Variants in CFAP47 observed in about 807,000 individuals in gnomAD.
CFAP47 encodes cilia and flagella associated protein 47.
CFAP47 carries 29 observed loss-of-function variants against 148.1 expected under a neutral mutation model. The ratio of observed to expected loss-of-function variants is 0.20; its 90% CI spans 0.15 to 0.27. The LOEUF (loss-of-function observed/expected upper bound fraction) is 0.27, where lower values mean the gene tolerates loss of function less well. Ranked by LOEUF, CFAP47 falls within the 10% of genes least tolerant of loss-of-function variation. The pLI is 1.00. For synonymous variants in CFAP47, 664 were observed against 577.3 expected (o/e 1.15, Z -2.15); for missense variants, 1,872 against 1,697.5 (o/e 1.10, Z -1.81).
At chrX:36,337,697 T>C (rs1556015063) in intron 57 of CFAP47, among the ~76,000 whole-genome samples, 1 of 110,470 alleles carries the variant, frequency 9.1e-6, no homozygotes, top group African/African-American at 3.3e-5. Flanking sequence ...ATTAATAGAT[T>C]AGCTTAATTT....
intron 1 of CFAP47, among the ~76,000 whole-genome samples, chrX:35,923,923 A>ATGTG (rs1491311495): frequency 8.9e-5 from 6 of 67,491 alleles, no homozygotes; most frequent in Non-Finnish European, 1.3e-4. Context: ...ATATATGTAC[A>ATGTG]TATATATGTG....
chrX:35,948,262 A>G (rs1473545203), intron 3 of CFAP47, 52 bp from the exon 4 acceptor site: 32 of 1,090,616 alleles, frequency 2.9e-5, no homozygotes, highest in Middle Eastern at 5.0e-4. Context: ...GAGAGTGTAC[A>G]TGCAACATTG....
At chrX:35,932,532 G>A (rs1729976220) in intron 2 of CFAP47, among the ~76,000 whole-genome samples, 1 of 110,611 alleles carries the variant, frequency 9.0e-6, no homozygotes, top group Non-Finnish European at 1.9e-5. Context: ...GATTACAGGT[G>A]TGAGCCACCA....
rs1937541624 is a variant in CFAP47, at chrX:36,054,882, C to T, written c.4217+7819C>T. The stretch of plus-strand genomic sequence containing the variant: ...CCGCCTCCCGGGTTCACGCCATTCT[C>T]CTGCCTCAGCTTCCCGAGTACCTGG... On this transcript the variant is annotated intron_variant, in intron 26 of 63. Coordinates refer to ENST00000378653, the MANE Select transcript of CFAP47 (RefSeq NM_001304548.2). 4.5e-5 allele frequency among the ~76,000 whole-genome samples: 5 copies of T among 110,060 alleles called. No homozygotes were observed. The South Asian group carries it at 2.0e-3, about 43-fold the overall frequency.
intron 38 of CFAP47, among the ~76,000 whole-genome samples, chrX:36,159,994 T>G (rs1939410580): frequency 8.9e-6 from 1 of 112,243 alleles, no homozygotes; most frequent in Non-Finnish European, 1.9e-5. Flanking sequence ...ATTGACTTTT[T>G]GTAGCCATTA....
chrX:36,168,735 T>A (rs978487650), intron 39 of CFAP47, among the ~76,000 whole-genome samples: 2 of 112,083 alleles, frequency 1.8e-5, no homozygotes, highest in African/African-American at 3.2e-5. Flanking sequence ...CCCTCCTGCT[T>A]ATTTTAAATG....
At chrX:36,267,924 G>A (rs6632548) in intron 49 of CFAP47, among the ~76,000 whole-genome samples, 15,254 of 112,128 alleles carry the variant, frequency 0.14, 788 homozygotes, top group East Asian at 0.26. Context: ...GCTTTCCCAG[G>A]TAGCCTATGC....
chrX:35,967,569 A>G, intron 9 of CFAP47, 50 bp from the exon 10 acceptor site: 1 of 940,234 alleles, frequency 1.1e-6, no homozygotes, highest in East Asian at 3.3e-5. Context: ...TTGTTTTTAA[A>G]GTTGAAATTA....
intron 46 of CFAP47, among the ~76,000 whole-genome samples, chrX:36,231,033 G>A (rs1315040800): frequency 1.0e-4 from 11 of 105,595 alleles, no homozygotes; most frequent in African/African-American, 4.1e-4. Flanking sequence ...ATAGTTTGAA[G>A]TCAGGTAGTG....
chrX:36,338,140 G>T (rs1463619357), intron 57 of CFAP47, among the ~76,000 whole-genome samples: 1 of 104,169 alleles, frequency 9.6e-6, no homozygotes, highest in Non-Finnish European at 1.9e-5. Flanking sequence ...GCCCACATCG[G>T]CCTCCCAAAG....
At position 36,236,823 on chromosome X, in the gene CFAP47, A is replaced by G; in HGVS notation, c.7296A>G (p.Thr2432=). Residue 2432 remains threonine, a synonymous_variant, in exon 48 of 64, where the codon ACA becomes ACG. Coordinates refer to ENST00000378653, the MANE Select transcript of CFAP47 (RefSeq NM_001304548.2). The part of the protein sequence containing the change: ...QVGNVTQKHI[T]LPHFTNTALT... ...GGAATGTGACACAAAAGCATATAACATTGCCTCATTTCACAAATACTGCCC... is the reference window on the plus strand; with the variant it reads ...GGAATGTGACACAAAAGCATATAACGTTGCCTCATTTCACAAATACTGCCC... The G allele has an allele frequency of 4.1e-6, 2 of 491,777 alleles. No homozygotes were observed. The highest frequency in any genetic ancestry group is 7.4e-6 in the Non-Finnish European group (2 of 271,705). The allele number at this position is 491,777 out of a possible 1,213,427, so 40.5% of individuals were successfully genotyped here.
chrX:35,941,374 A>C lies in CFAP47; in HGVS notation c.493A>C (p.Ile165Leu). ...TAAAGTATATTCTAAAGAGATTACT[A>C]TCACTAACCATGGCAAAGCTCCAGG... Reference protein sequence around the residue: ...NSKVYSKEITITNHGKAPGIF... With the variant: ...NSKVYSKEITLTNHGKAPGIF... Residue 165 changes from isoleucine to leucine, a missense_variant, in exon 3 of 64, where the codon ATC becomes CTC. Physicochemically the swap from Ile to Leu is conservative, Grantham distance 5 (BLOSUM62 2). Transcript: ENST00000378653. The C allele has an allele frequency of 5.4e-6, 6 of 1,103,712 alleles. No homozygotes were observed. Among genetic ancestry groups the C allele is most frequent in the Non-Finnish European group, 6.1e-6 (5 of 825,492 alleles). 91.0% of individuals were successfully genotyped at this position (1,103,712 alleles called of 1,213,427 possible).
intron 49 of CFAP47, among the ~76,000 whole-genome samples, chrX:36,278,504 C>T (rs1941042338): frequency 8.9e-6 from 1 of 112,520 alleles, no homozygotes; most frequent in Admixed American, 9.4e-5. Context: ...ATCATAGCTT[C>T]CCTTGGCTAG....
chrX:36,075,110 C>T (rs766470543), intron 29 of CFAP47, among the ~76,000 whole-genome samples: 1 of 111,308 alleles, frequency 9.0e-6, no homozygotes, highest in African/African-American at 3.3e-5. Context: ...GTACTGATTT[C>T]ATTTACTTTA....
intron 32 of CFAP47, 56 bp from the exon 33 acceptor site, chrX:36,104,443 A>T: frequency 4.5e-6 from 2 of 446,916 alleles, no homozygotes; most frequent in Middle Eastern, 3.9e-4. Context: ...CTCTTCAAAT[A>T]TTAATTTGCT....
intron 39 of CFAP47, among the ~76,000 whole-genome samples, chrX:36,176,794 A>G (rs1939688037): frequency 8.9e-6 from 1 of 112,100 alleles, no homozygotes. Flanking sequence ...AATCCCAGCT[A>G]CTTGGGAGGC....
At chrX:36,171,465 A>C (rs199953813) in intron 39 of CFAP47, among the ~76,000 whole-genome samples, 3 of 102,982 alleles carry the variant, frequency 2.9e-5, no homozygotes, top group South Asian at 4.5e-4. Flanking sequence ...ATCTTGAATT[A>C]ATTTTTGTAT....
At chrX:36,279,736 G>A (rs782139395) in intron 49 of CFAP47, among the ~76,000 whole-genome samples, 54 of 110,894 alleles carry the variant, frequency 4.9e-4, no homozygotes, top group Non-Finnish European at 9.1e-4. Context: ...AGACAGTTTT[G>A]CTCTTTCACC....
intron 54 of CFAP47, among the ~76,000 whole-genome samples, chrX:36,305,374 C>T (rs1941339153): frequency 9.0e-6 from 1 of 111,470 alleles, no homozygotes; most frequent in Non-Finnish European, 1.9e-5. Context: ...TATATCTCTA[C>T]TTTTAGAGAA....
Sources: gnomAD v4.1 joint callset for allele counts (sites outside exome capture counted in the v4.1 genomes callset) on GRCh38, gnomAD v4.1.1 for gene constraint, MANE v1.5 for transcripts, NCBI Gene and HGNC (gene_info 2026-07-23, HGNC 2026-07-21) for gene names.